The following DSCAM variants were observed in gnomAD, a reference collection of about 807,000 sequenced individuals.
DSCAM encodes the protein DS cell adhesion molecule, also known as cell adhesion molecule DSCAM.
Under a neutral mutation model 217.7 loss-of-function variants are expected in DSCAM, and 47 were observed. That is an observed-to-expected ratio of 0.22 (90% CI 0.17 to 0.28). The LOEUF (loss-of-function observed/expected upper bound fraction) is 0.28, where lower values mean the gene tolerates loss of function less well. Ranked by LOEUF, DSCAM falls within the 10% of genes least tolerant of loss-of-function variation. The probability of loss-of-function intolerance (pLI) is 1.00; values close to 1 mark genes in which losing one functional copy is unlikely to be tolerated. For missense variants in DSCAM, 2,080 were observed against 2,618.3 expected (o/e 0.79, Z 4.49); for synonymous variants, 1,056 against 1,015.3 (o/e 1.04, Z -0.76).
chr21:40,660,239 A>G (rs1036918609), intron 3 of DSCAM, among the ~76,000 whole-genome samples: 3 of 152,182 alleles, frequency 2.0e-5, no homozygotes, highest in African/African-American at 7.2e-5. Flanking sequence ...AAGATCGTAT[A>G]CTGTGCCCTC....
intron 3 of DSCAM, among the ~76,000 whole-genome samples, chr21:40,658,127 C>A (rs1318436199): frequency 1.3e-5 from 2 of 152,124 alleles, no homozygotes; most frequent in Non-Finnish European, 2.9e-5. Context: ...TCCAAGGGAT[C>A]TCCTGTCATA....
At chr21:40,611,781 G>A (rs926951298) in intron 3 of DSCAM, among the ~76,000 whole-genome samples, 1 of 152,206 alleles carries the variant, frequency 6.6e-6, no homozygotes, top group Non-Finnish European at 1.5e-5. Context: ...GCCCTCATGG[G>A]ACTTCAGTGA....
chr21:40,280,381 G>T (rs2073744862), intron 10 of DSCAM, among the ~76,000 whole-genome samples: 1 of 151,670 alleles, frequency 6.6e-6, no homozygotes, highest in Admixed American at 6.6e-5. Context: ...GTAAAGATGG[G>T]GTCTTGCTTG....
intron 5 of DSCAM, among the ~76,000 whole-genome samples, chr21:40,348,286 C>CAATCACCCT (rs59041470): frequency 1.7e-5 from 1 of 58,184 alleles, no homozygotes; most frequent in Non-Finnish European, 4.1e-5. Context: ...GCAATCATAC[C>CAATCACCCT]CCAGAGAGTT....
At position 40,042,490 on chromosome 21, in the gene DSCAM, T is replaced by G. The variant is rs1351950203; in HGVS notation, c.5567A>C (p.Asp1856Ala). ...QLTAGTNEYT[D>A]SLTSSTPSES... ...GGAAGGGGTGCTGGAGGTCAGACTG[T>G]CCGTGTACTCATTTGTCCCTGCCGT... Residue 1856 changes from aspartate (D) to alanine (A), a missense_variant, in exon 32 of 33, where the codon GAC becomes GCC. Physicochemically the swap from Asp to Ala is moderately radical, Grantham distance 126. Transcript: ENST00000400454. 1 of 1,614,202 alleles carries G rather than the reference T, an allele frequency of 6.2e-7. No homozygotes were observed. The highest frequency in any genetic ancestry group is 1.1e-5 in the South Asian group (1 of 91,078).
intron 3 of DSCAM, among the ~76,000 whole-genome samples, chr21:40,578,885 T>C (rs139367631): frequency 1.3e-5 from 2 of 152,200 alleles, no homozygotes; most frequent in Non-Finnish European, 2.9e-5. Flanking sequence ...AGCAGTTAGG[T>C]GTCAGGAATT....
intron 31 of DSCAM, 54 bp downstream of exon 31, chr21:40,044,024 G>C (rs2088801494): frequency 6.3e-7 from 1 of 1,587,232 alleles, no homozygotes; most frequent in African/African-American, 1.3e-5. Context: ...TGAAGCTCAA[G>C]GTGCGGGGGC....
At chr21:40,178,793 A>T in intron 15 of DSCAM, 134 bp downstream of exon 15, 1 of 1,044,888 alleles carries the variant, frequency 9.6e-7, no homozygotes. Flanking sequence ...TATAGGGCAC[A>T]GAACTACGGA....
chr21:40,629,465 C>G (rs2089657274), intron 3 of DSCAM: 1 of 152,142 alleles, frequency 6.6e-6, no homozygotes, highest in Non-Finnish European at 1.5e-5. Context: ...CCAGAACTGG[C>G]CGTGTCACTT....
intron 3 of DSCAM, among the ~76,000 whole-genome samples, chr21:40,392,686 C>A (rs565016063): frequency 9.2e-5 from 14 of 152,278 alleles, no homozygotes; most frequent in African/African-American, 3.4e-4. Flanking sequence ...TCTGGGTCTA[C>A]TCCCAAACAC....
chr21:40,286,408 T>C (rs2073824391), intron 10 of DSCAM, among the ~76,000 whole-genome samples: 1 of 152,046 alleles, frequency 6.6e-6, no homozygotes, highest in Non-Finnish European at 1.5e-5. Context: ...GGCACGAGGC[T>C]GGCGCAGAGT....
chr21:40,578,405 C>T (rs1047453816), intron 3 of DSCAM, among the ~76,000 whole-genome samples: 9 of 152,144 alleles, frequency 5.9e-5, no homozygotes, highest in African/African-American at 1.9e-4. Context: ...ATGCACCAGT[C>T]AGCACTCTGT....
chr21:40,408,167 G>A (rs2075294460), intron 3 of DSCAM, among the ~76,000 whole-genome samples: 1 of 151,872 alleles, frequency 6.6e-6, no homozygotes, highest in African/African-American at 2.4e-5. Context: ...TGAAAACAAA[G>A]AATATATTAA....
At chr21:40,620,637 AT>A (rs1364361338) in intron 3 of DSCAM, among the ~76,000 whole-genome samples, 1 of 152,226 alleles carries the variant, frequency 6.6e-6, no homozygotes, top group Non-Finnish European at 1.5e-5. Context: ...GATGGTGAGA[AT>A]ATGATGGAAC....
chr21:40,400,112 C>T (rs577650026), intron 3 of DSCAM, among the ~76,000 whole-genome samples: 69 of 152,226 alleles, frequency 4.5e-4, no homozygotes, highest in Non-Finnish European at 7.8e-4. Flanking sequence ...ACCTTCCTCC[C>T]GTGCAGCAGG....
At chr21:40,349,241 G>T (rs1295101296) in intron 5 of DSCAM, among the ~76,000 whole-genome samples, 2 of 151,448 alleles carry the variant, frequency 1.3e-5, no homozygotes, top group Non-Finnish European at 2.9e-5. Flanking sequence ...GGCACTGGTG[G>T]GTTTGCCCTG....
intron 20 of DSCAM, among the ~76,000 whole-genome samples, chr21:40,121,681 CTTTTTTTTTT>C (rs201672838): frequency 1.1e-4 from 8 of 73,752 alleles, no homozygotes; most frequent in South Asian, 1.1e-3. Flanking sequence ...TCATTACTGT[CTTTTTTTTTT>C]TTTTTTTTTT....
intron 11 of DSCAM, among the ~76,000 whole-genome samples, chr21:40,260,776 C>T (rs1479304093): frequency 6.6e-6 from 1 of 152,130 alleles, no homozygotes; most frequent in Non-Finnish European, 1.5e-5. Context: ...TGTAGCTTCT[C>T]TTCTTAATTA....
rs2090325759 is a variant in DSCAM, at chr21:40,144,114, AT to A, written c.3259+376del. Among the ~76,000 whole-genome samples the A allele has an allele frequency of 1.3e-5, 2 of 152,118 alleles. No individual in the cohort carries two copies. The highest frequency in any genetic ancestry group is 1.3e-4 in the Admixed American group (2 of 15,274). ...TAGGAAACAATGAAAAATAAAATAA[AT>A]TTTAAAAAACCTTCTTAACATTTGG... is the stretch of plus-strand genomic sequence containing the variant. On this transcript the variant is annotated intron_variant, in intron 17 of 32. Coordinates refer to ENST00000400454, the MANE Select transcript of DSCAM (RefSeq NM_001389.5). The surrounding 1 kb of genome is among the most constrained non-coding windows in gnomAD (Gnocchi z 4.8).
Sources: gnomAD v4.1 joint callset for allele counts (sites outside exome capture counted in the v4.1 genomes callset) on GRCh38, gnomAD v4.1.1 for gene constraint, Gnocchi (gnomAD v3.1) non-coding constraint, MANE v1.5 for transcripts, NCBI Gene and HGNC (gene_info 2026-07-23, HGNC 2026-07-21) for gene names.